HEMK2: variants seen among roughly 807,000 people sequenced by gnomAD.
HEMK2 encodes the protein methyltransferase HEMK2.
chr21:28,611,941 CA>C, the HEMK2 span, among the ~76,000 whole-genome samples: 4 of 138,478 alleles, frequency 2.9e-5, no homozygotes, highest in African/African-American at 1.0e-4. Context: ...AAGTTACCAA[CA>C]AAAAAATTTC....
At chr21:28,691,048 C>A in the HEMK2 span, among the ~76,000 whole-genome samples, 1 of 152,198 alleles carries the variant, frequency 6.6e-6, no homozygotes, top group South Asian at 2.1e-4. Flanking sequence ...TGCTGTACTT[C>A]TCTCCCTTTA....
At chr21:28,620,722 A>G in the HEMK2 span, among the ~76,000 whole-genome samples, 1 of 114,764 alleles carries the variant, frequency 8.7e-6, no homozygotes, top group Non-Finnish European at 1.6e-5. Context: ...CACCCATGCT[A>G]GAGTGCAGTG....
the HEMK2 span, among the ~76,000 whole-genome samples, chr21:28,620,113 CA>C: frequency 3.9e-5 from 6 of 152,202 alleles, no homozygotes; most frequent in African/African-American, 1.4e-4. Context: ...TCAAATTTTG[CA>C]TGCCAACTTG....
At chr21:28,785,168 C>G in the HEMK2 span, among the ~76,000 whole-genome samples, 2 of 152,178 alleles carry the variant, frequency 1.3e-5, no homozygotes. Flanking sequence ...TCAGAAGGAA[C>G]AAACTCCGGA....
chr21:28,756,666 A>G, the HEMK2 span, among the ~76,000 whole-genome samples: 1 of 152,234 alleles, frequency 6.6e-6, no homozygotes, highest in East Asian at 1.9e-4. Context: ...ACAGGTCTAC[A>G]AACCAAGGCC....
the HEMK2 span, among the ~76,000 whole-genome samples, chr21:28,681,905 A>G: frequency 6.6e-6 from 1 of 152,240 alleles, no homozygotes; most frequent in Non-Finnish European, 1.5e-5. Context: ...TTAATTCAAG[A>G]TGGATTAAAG....
chr21:28,863,024 C>T, the HEMK2 span, among the ~76,000 whole-genome samples: 16 of 152,000 alleles, frequency 1.1e-4, no homozygotes, highest in East Asian at 2.9e-3. Flanking sequence ...GGTGGATTTG[C>T]GATGGTTAAT....
the HEMK2 span, among the ~76,000 whole-genome samples, chr21:28,760,284 C>G: frequency 2.2e-4 from 34 of 152,282 alleles, no homozygotes; most frequent in African/African-American, 7.9e-4. Context: ...TCAGGAATAT[C>G]AAGCCCATGC....
At chr21:28,796,131 A>G in the HEMK2 span, among the ~76,000 whole-genome samples, 2 of 152,070 alleles carry the variant, frequency 1.3e-5, no homozygotes, top group South Asian at 2.1e-4. Flanking sequence ...GAATAAATGT[A>G]TTTTATTTTA....
the HEMK2 span, among the ~76,000 whole-genome samples, chr21:28,669,029 G>A: frequency 3.9e-5 from 6 of 152,256 alleles, no homozygotes; most frequent in East Asian, 9.7e-4. Flanking sequence ...GGGAAGAAGG[G>A]AAGATGACAC....
the HEMK2 span, among the ~76,000 whole-genome samples, chr21:28,680,076 C>T: frequency 1.3e-5 from 2 of 152,072 alleles, no homozygotes; most frequent in Non-Finnish European, 2.9e-5. Context: ...GAAATAGAGA[C>T]ATAAAAAACC....
At chr21:28,846,297 C>T in the HEMK2 span, among the ~76,000 whole-genome samples, 4,834 of 152,160 alleles carry the variant, frequency 0.032, 123 homozygotes, top group Non-Finnish European at 0.046. Flanking sequence ...GATTTCTATT[C>T]CTTTGGATAT....
At chr21:28,695,909 C>T in the HEMK2 span, among the ~76,000 whole-genome samples, 1 of 152,068 alleles carries the variant, frequency 6.6e-6, no homozygotes, top group Non-Finnish European at 1.5e-5. Flanking sequence ...TTCCCAGATA[C>T]AATGGGGGTT....
At chr21:28,650,847 T>C in the HEMK2 span, among the ~76,000 whole-genome samples, 1 of 152,142 alleles carries the variant, frequency 6.6e-6, no homozygotes, top group Non-Finnish European at 1.5e-5. Context: ...AACAGACAGC[T>C]GAGAAGAGGC....
At chr21:28,680,177 G>A in the HEMK2 span, among the ~76,000 whole-genome samples, 1 of 152,102 alleles carries the variant, frequency 6.6e-6, no homozygotes, top group African/African-American at 2.4e-5. Flanking sequence ...GAAGAAAAGA[G>A]AGAAGAATCA....
At chr21:28,704,858 C>G in the HEMK2 span, among the ~76,000 whole-genome samples, 1 of 152,162 alleles carries the variant, frequency 6.6e-6, no homozygotes, top group Non-Finnish European at 1.5e-5. Context: ...CTTAATTTGT[C>G]CTGGTCCCTG....
chr21:28,838,071 C>T, the HEMK2 span, among the ~76,000 whole-genome samples: 16 of 152,032 alleles, frequency 1.1e-4, no homozygotes, highest in African/African-American at 3.9e-4. Flanking sequence ...AAAAAAATAG[C>T]CCAGGACCTG....
At chr21:28,592,706 T>A in the HEMK2 span, among the ~76,000 whole-genome samples, 1 of 152,202 alleles carries the variant, frequency 6.6e-6, no homozygotes, top group Non-Finnish European at 1.5e-5. Flanking sequence ...AAATACAGCA[T>A]ACAATAAGCT....
At chr21:28,576,484 G>C in the HEMK2 span, among the ~76,000 whole-genome samples, 330 of 151,424 alleles carry the variant, frequency 2.2e-3, 2 homozygotes, top group African/African-American at 7.7e-3. Flanking sequence ...CAAGTTATTT[G>C]CCAGATATAT....
Sources: allele counts gnomAD v4.1 joint callset (sites outside exome capture counted in the v4.1 genomes callset), GRCh38; gene constraint gnomAD v4.1.1; transcripts MANE v1.5; gene names NCBI Gene and HGNC (gene_info 2026-07-23, HGNC 2026-07-21).